Variants in PTPRG observed in about 807,000 individuals in gnomAD.
The protein encoded by PTPRG is protein tyrosine phosphatase receptor type G.
Under a neutral mutation model 165.3 loss-of-function variants are expected in PTPRG, and 102 were observed. The ratio of observed to expected loss-of-function variants is 0.62; its 90% confidence interval spans 0.53 to 0.73. PTPRG has a LOEUF of 0.73. PTPRG is among the 30% of genes least tolerant of loss of function. The probability of loss-of-function intolerance (pLI) is 0.00; values close to 1 mark genes in which losing one functional copy is unlikely to be tolerated. For missense variants in PTPRG, 1,866 were observed against 1,861.4 expected (o/e 1.00, Z -0.05); for synonymous variants, 675 against 669.5 (o/e 1.01, Z -0.13).
intron 6 of PTPRG, among the ~76,000 whole-genome samples, chr3:62,133,329 G>GT (rs1238168992): frequency 1.3e-5 from 2 of 152,156 alleles, no homozygotes; most frequent in Non-Finnish European, 2.9e-5. Context: ...TAGTCGAGAT[G>GT]TAATGTAATG....
chr3:62,180,413 C>T (rs1423003259), intron 8 of PTPRG, among the ~76,000 whole-genome samples: 3 of 152,152 alleles, frequency 2.0e-5, no homozygotes, highest in Admixed American at 2.0e-4. Flanking sequence ...ATTTACCCAC[C>T]CTAGCTCCGC....
chr3:61,931,212 A>G (rs74525872), intron 2 of PTPRG, among the ~76,000 whole-genome samples: 2,653 of 152,104 alleles, frequency 0.017, 45 homozygotes, highest in South Asian at 0.076. Flanking sequence ...TCTGATTTGC[A>G]TTCTTGTTCT....
At chr3:62,080,096 G>A (rs989111613) in intron 5 of PTPRG, among the ~76,000 whole-genome samples, 4 of 128,564 alleles carry the variant, frequency 3.1e-5, no homozygotes, top group South Asian at 2.4e-4. Context: ...ATGGAGTTTC[G>A]CTCTTGTTAT....
intron 12 of PTPRG, among the ~76,000 whole-genome samples, chr3:62,206,284 T>G (rs1357930246): frequency 1.3e-5 from 2 of 152,138 alleles, no homozygotes; most frequent in Non-Finnish European, 2.9e-5. Flanking sequence ...ACTCCAGGTA[T>G]GAGGTGTGTA....
chr3:61,811,997 C>T (rs1030955043), intron 2 of PTPRG, among the ~76,000 whole-genome samples: 3 of 152,086 alleles, frequency 2.0e-5, no homozygotes, highest in African/African-American at 7.2e-5. Context: ...GTAGGCCTGT[C>T]TTCAAAAAAA....
chr3:62,223,203 T>A (rs1700688733), intron 13 of PTPRG, among the ~76,000 whole-genome samples: 1 of 152,028 alleles, frequency 6.6e-6, no homozygotes, highest in Non-Finnish European at 1.5e-5. Flanking sequence ...TGGGAAGGTA[T>A]TGAAGGAGCC....
At chr3:61,973,501 T>C (rs2040430145) in intron 2 of PTPRG, among the ~76,000 whole-genome samples, 1 of 152,178 alleles carries the variant, frequency 6.6e-6, no homozygotes, top group African/African-American at 2.4e-5. Flanking sequence ...GTATTTTTTA[T>C]GCATCTTGCC....
intron 2 of PTPRG, among the ~76,000 whole-genome samples, chr3:61,929,418 A>C (rs921057318): frequency 1.3e-5 from 2 of 152,208 alleles, no homozygotes; most frequent in Non-Finnish European, 2.9e-5. Flanking sequence ...GTGATTTTCA[A>C]GTGACCCCGT....
chr3:61,872,238 C>T (rs887254763), intron 2 of PTPRG, among the ~76,000 whole-genome samples: 10 of 152,124 alleles, frequency 6.6e-5, no homozygotes, highest in African/African-American at 2.2e-4. Context: ...CCAGGTGCAG[C>T]GTTGGGCACC....
intron 2 of PTPRG, among the ~76,000 whole-genome samples, chr3:61,956,970 T>C (rs765617212): frequency 2.4e-4 from 37 of 152,168 alleles, no homozygotes; most frequent in Non-Finnish European, 4.4e-4. Context: ...TTAGGGTACA[T>C]AGGAAATTAG....
intron 8 of PTPRG, among the ~76,000 whole-genome samples, chr3:62,176,535 T>G (rs1003098111): frequency 2.6e-5 from 4 of 152,166 alleles, no homozygotes; most frequent in Non-Finnish European, 5.9e-5. Flanking sequence ...CTTCCCTGAA[T>G]GAAGGAGCTT....
chr3:61,744,298 A>G (rs1331132934), intron 1 of PTPRG, among the ~76,000 whole-genome samples: 1 of 152,232 alleles, frequency 6.6e-6, no homozygotes, highest in East Asian at 1.9e-4. Context: ...ATTTTAAATT[A>G]TGTGAGTGCC....
chr3:61,672,476 G>C (rs910331767), intron 1 of PTPRG, among the ~76,000 whole-genome samples: 1 of 146,554 alleles, frequency 6.8e-6, no homozygotes. Context: ...CCGGCACCTC[G>C]GGAGGCCGAG....
intron 20 of PTPRG, among the ~76,000 whole-genome samples, chr3:62,269,442 C>T (rs1044618310): frequency 6.6e-6 from 1 of 152,106 alleles, no homozygotes; most frequent in African/African-American, 2.4e-5. Context: ...TTTGGTAATA[C>T]TCAGCAAATA....
At chr3:62,167,348 T>C (rs1355705739) in intron 7 of PTPRG, among the ~76,000 whole-genome samples, 1 of 152,194 alleles carries the variant, frequency 6.6e-6, no homozygotes, top group Non-Finnish European at 1.5e-5. Context: ...ATCACTAGTA[T>C]GTCGGAAGAT....
chr3:62,180,614 A>G (rs1379211252), intron 8 of PTPRG, among the ~76,000 whole-genome samples: 1 of 152,228 alleles, frequency 6.6e-6, no homozygotes, highest in Middle Eastern at 3.2e-3. Context: ...ACCCCAGGGT[A>G]CATGGAATCC....
At chr3:62,080,526 C>G (rs1701535550) in intron 5 of PTPRG, among the ~76,000 whole-genome samples, 1 of 152,170 alleles carries the variant, frequency 6.6e-6, no homozygotes, top group Non-Finnish European at 1.5e-5. Flanking sequence ...TGGACCTCTG[C>G]TCCTGTGGCC....
chr3:61,733,074 CTG>C (rs1468875620), intron 1 of PTPRG, among the ~76,000 whole-genome samples: 3 of 152,152 alleles, frequency 2.0e-5, no homozygotes, highest in African/African-American at 4.8e-5. Context: ...CAAAAACATA[CTG>C]TGTTTCTTGT....
chr3:61,638,296 A>G (rs1053634074), intron 1 of PTPRG, among the ~76,000 whole-genome samples: 31 of 151,346 alleles, frequency 2.0e-4, no homozygotes, highest in South Asian at 1.7e-3. Context: ...CTGTTATGTT[A>G]AGCAGAATTT....
Sources: gnomAD v4.1 joint callset for allele counts (sites outside exome capture counted in the v4.1 genomes callset) on GRCh38, gnomAD v4.1.1 for gene constraint, MANE v1.5 for transcripts, NCBI Gene and HGNC (gene_info 2026-07-23, HGNC 2026-07-21) for gene names.